Variants in CSMD1 observed in about 807,000 individuals in gnomAD.
The protein encoded by CSMD1 is CUB and Sushi multiple domains 1.
In CSMD1, 213 loss-of-function variants were observed where a neutral mutation model predicts 417.5. The ratio of observed to expected loss-of-function variants is 0.51; its 90% CI spans 0.46 to 0.57. The LOEUF is 0.57. Ranked by LOEUF, CSMD1 falls within the 20% of genes least tolerant of loss-of-function variation. The pLI is 0.00. For synonymous variants in CSMD1, 2,862 were observed against 1,736.8 expected (o/e 1.65, Z -16.11); for missense variants, 6,923 against 4,529.7 (o/e 1.53, Z -15.17).
At chr8:3,310,494 TTAA>T (rs1805244677) in intron 23 of CSMD1, among the ~76,000 whole-genome samples, 1 of 152,156 alleles carries the variant, frequency 6.6e-6, no homozygotes, top group Non-Finnish European at 1.5e-5. Context: ...CACCTCCCTA[TTAA>T]TAACAAACAA....
intron 7 of CSMD1, among the ~76,000 whole-genome samples, chr8:3,678,359 A>C (rs1799486995): frequency 6.6e-6 from 1 of 152,240 alleles, no homozygotes; most frequent in African/African-American, 2.4e-5. Context: ...GATGGAGCTG[A>C]AAACCATGGC....
At chr8:3,718,827 T>C (rs1265539802) in intron 6 of CSMD1, among the ~76,000 whole-genome samples, 4 of 152,118 alleles carry the variant, frequency 2.6e-5, no homozygotes, top group Non-Finnish European at 4.4e-5. Flanking sequence ...TTTTCAGACA[T>C]AAGCAGGATT....
At chr8:3,410,433 G>A (rs1812613146) in intron 12 of CSMD1, among the ~76,000 whole-genome samples, 1 of 152,116 alleles carries the variant, frequency 6.6e-6, no homozygotes. Context: ...TCTGGTGGGA[G>A]GTAATTGATC....
At chr8:4,275,034 C>G (rs1034947265) in intron 3 of CSMD1, among the ~76,000 whole-genome samples, 3 of 152,034 alleles carry the variant, frequency 2.0e-5, no homozygotes, top group African/African-American at 2.4e-5. Context: ...ATTGGTATCC[C>G]TTAAACTACT....
At position 3,151,566 on chromosome 8, in the gene CSMD1, T is replaced by A. The variant is rs140647388; in HGVS notation, c.5915-53A>T. ...GCAGGTCCTCACTTTCTCCCTGGAA[T>A]CTTTGCTCCAACCTGCTTCACTCAA... is the stretch of plus-strand genomic sequence containing the variant. On this transcript the variant is annotated intron_variant, in intron 39 of 69. Transcript: ENST00000635120. 2.7e-5 allele frequency: 32 copies of A among 1,183,146 alleles called. No individual in the cohort carries two copies. In the African/African-American group the frequency reaches 3.8e-4, roughly 14 times the overall value. The allele number at this position is 1,183,146 out of a possible 1,614,324, so 73.3% of individuals were successfully genotyped here. A position where few individuals can be genotyped will look rare whatever the true frequency, so the allele number is the denominator to read the frequency against.
intron 5 of CSMD1, among the ~76,000 whole-genome samples, chr8:3,844,902 TGTCTG>T (rs1337059344): frequency 3.0e-5 from 4 of 135,038 alleles, no homozygotes; most frequent in African/African-American, 1.5e-4. Context: ...TGTCAATATT[TGTCTG>T]TGCATTTAAA....
chr8:4,739,339 G>C (rs1427602916), intron 1 of CSMD1, among the ~76,000 whole-genome samples: 1 of 152,100 alleles, frequency 6.6e-6, no homozygotes, highest in East Asian at 1.9e-4. Context: ...TTTTATGGAG[G>C]AATTTTACCT....
In CSMD1 at chr8:4,485,909, A is replaced by G. The variant is rs1486611612; in HGVS notation, c.303-65844T>C. 2.6e-5 allele frequency among the ~76,000 whole-genome samples: 4 copies of G among 151,982 alleles called. No homozygotes were observed. The South Asian group carries it at 8.3e-4, about 32-fold the overall frequency. On this transcript the variant is annotated intron_variant, in intron 2 of 69. Transcript: ENST00000635120. ...GGGAGTAAGAAGTGGATTTCCTGGC[A>G]GCCAGGAAGTTCATTTCAATTATTT...
chr8:4,288,052 C>A (rs570057587), intron 3 of CSMD1, among the ~76,000 whole-genome samples: 1 of 152,146 alleles, frequency 6.6e-6, no homozygotes, highest in Non-Finnish European at 1.5e-5. Context: ...AAAGCTAAAA[C>A]AAGGAGGATA....
chr8:4,254,091 G>T (rs1271994647), intron 3 of CSMD1, among the ~76,000 whole-genome samples: 1 of 151,508 alleles, frequency 6.6e-6, no homozygotes, highest in Non-Finnish European at 1.5e-5. Flanking sequence ...TAATTTTTTT[G>T]TGTTTTTAGT....
At chr8:3,371,295 A>G (rs1448818829) in intron 18 of CSMD1, among the ~76,000 whole-genome samples, 2 of 152,190 alleles carry the variant, frequency 1.3e-5, no homozygotes, top group East Asian at 1.9e-4. Flanking sequence ...TAACACGTGC[A>G]AAGTTCTCTA....
At chr8:4,942,352 G>A (rs755591003) in intron 1 of CSMD1, among the ~76,000 whole-genome samples, 6 of 151,696 alleles carry the variant, frequency 4.0e-5, no homozygotes, top group Admixed American at 6.6e-5. Flanking sequence ...TTGCTTTCTC[G>A]GTACCCTTGT....
intron 54 of CSMD1, among the ~76,000 whole-genome samples, chr8:2,991,977 T>G (rs1314092210): frequency 2.6e-5 from 4 of 152,232 alleles, no homozygotes; most frequent in Non-Finnish European, 5.9e-5. Context: ...AAAAATATGT[T>G]AAATCAGTAT....
intron 5 of CSMD1, among the ~76,000 whole-genome samples, chr8:3,771,194 C>T (rs952491650): frequency 2.0e-5 from 3 of 152,066 alleles, no homozygotes; most frequent in African/African-American, 4.8e-5. Flanking sequence ...AAAACGATGA[C>T]TACTCTTTTT....
At chr8:2,979,900 G>T (rs2128938572) in intron 54 of CSMD1, among the ~76,000 whole-genome samples, 1 of 152,256 alleles carries the variant, frequency 6.6e-6, no homozygotes, top group East Asian at 1.9e-4. Flanking sequence ...GCCCCTACAG[G>T]GCATGTATCT....
intron 1 of CSMD1, among the ~76,000 whole-genome samples, chr8:4,759,885 G>A (rs151017016): frequency 1.3e-5 from 2 of 152,194 alleles, no homozygotes; most frequent in Non-Finnish European, 2.9e-5. Flanking sequence ...GCATGCATGT[G>A]TATTTATAAT....
chr8:4,323,549 T>C (rs995980728), intron 3 of CSMD1, among the ~76,000 whole-genome samples: 2 of 152,150 alleles, frequency 1.3e-5, no homozygotes, highest in African/African-American at 4.8e-5. Flanking sequence ...GTGGGTGATC[T>C]ATATTGGGTC....
intron 51 of CSMD1, among the ~76,000 whole-genome samples, chr8:3,022,166 G>C (rs607559): frequency 7.2e-6 from 1 of 138,622 alleles, no homozygotes; most frequent in South Asian, 2.3e-4. Context: ...AACAGCATCC[G>C]GAATGCACCG....
At chr8:4,712,396 G>A (rs1470595251) in intron 1 of CSMD1, among the ~76,000 whole-genome samples, 1 of 152,088 alleles carries the variant, frequency 6.6e-6, no homozygotes, top group Non-Finnish European at 1.5e-5. Context: ...ATAATCTGTA[G>A]GTCAAAAATA....
Sources: allele counts gnomAD v4.1 joint callset (sites outside exome capture counted in the v4.1 genomes callset), GRCh38; gene constraint gnomAD v4.1.1; transcripts MANE v1.5; gene names NCBI Gene and HGNC (gene_info 2026-07-23, HGNC 2026-07-21).